The following KCTD1 variants were observed in gnomAD, a reference collection of about 807,000 sequenced individuals.
The protein encoded by KCTD1 is potassium channel tetramerization domain containing 1.
A neutral mutation model predicts 66.0 loss-of-function variants in KCTD1; 24 were observed. The ratio of observed to expected loss-of-function variants is 0.36; its 90% confidence interval spans 0.26 to 0.51. KCTD1 has a LOEUF of 0.51. Among genes scored for constraint, KCTD1 ranks in the 20% least tolerant of loss-of-function variants. The pLI is 0.95. For missense variants in KCTD1, 943 were observed against 1,205.2 expected (o/e 0.78, Z 3.22); for synonymous variants, 511 against 517.2 (o/e 0.99, Z 0.16).
intron 1 of KCTD1, among the ~76,000 whole-genome samples, chr18:26,512,063 T>C (rs184336261): frequency 2.6e-5 from 4 of 152,348 alleles, no homozygotes; most frequent in Admixed American, 2.6e-4. Context: ...GAAAGCTAAA[T>C]GTGCTCCTTT....
chr18:26,644,501 T>C (rs1255103634), upstream of KCTD1, among the ~76,000 whole-genome samples: 4 of 151,798 alleles, frequency 2.6e-5, no homozygotes, highest in African/African-American at 9.7e-5. Context: ...GGCTCACACC[T>C]TCATCCTGGC....
intron 1 of KCTD1, among the ~76,000 whole-genome samples, chr18:26,565,025 T>C (rs1985950160): frequency 1.3e-5 from 2 of 152,208 alleles, no homozygotes; most frequent in African/African-American, 4.8e-5. Context: ...AATGATAATG[T>C]TAGTCAAGTC....
intron 1 of KCTD1, among the ~76,000 whole-genome samples, chr18:26,636,672 G>A (rs1987730778): frequency 6.6e-6 from 1 of 152,178 alleles, no homozygotes; most frequent in Non-Finnish European, 1.5e-5. Context: ...ATGCCCTCAG[G>A]ACTTCACACT....
intron 1 of KCTD1, among the ~76,000 whole-genome samples, chr18:26,556,903 A>C (rs1438719743): frequency 1.3e-5 from 2 of 152,176 alleles, no homozygotes; most frequent in Non-Finnish European, 2.9e-5. Flanking sequence ...CTGTGAATTC[A>C]ATCACATGCC....
Position 26,507,725 on chromosome 18 carries a change from G to A in KCTD1, c.1810-6475C>T, listed in dbSNP as rs78376406. On this transcript the variant is annotated intron_variant, in intron 1 of 4. Coordinates refer to ENST00000580059, the MANE Select transcript of KCTD1 (RefSeq NM_001142730.3). ...ACTTTTTTTTTTTTAAAAAAAGAATGATGCCCTGTGGATTTGGAAGAGCAC... is the reference window on the plus strand; with the variant it reads ...ACTTTTTTTTTTTTAAAAAAAGAATAATGCCCTGTGGATTTGGAAGAGCAC... 2.9e-3 allele frequency among the ~76,000 whole-genome samples: 436 copies of A among 151,182 alleles called. 1 individual carries two copies. Among genetic ancestry groups the A allele is most frequent in the African/African-American group, 0.01 (419 of 41,114 alleles).
At chr18:26,593,124 C>T (rs1986648111) in intron 1 of KCTD1, among the ~76,000 whole-genome samples, 1 of 152,206 alleles carries the variant, frequency 6.6e-6, no homozygotes. Flanking sequence ...TCTGATGTTC[C>T]ACCACATGGC....
chr18:26,484,505 G>A (rs1027678164), intron 2 of KCTD1, among the ~76,000 whole-genome samples: 1 of 152,096 alleles, frequency 6.6e-6, no homozygotes, highest in Non-Finnish European at 1.5e-5. Flanking sequence ...GCCACTCGGG[G>A]GTAGCTGATT....
intron 1 of KCTD1, among the ~76,000 whole-genome samples, chr18:26,649,325 C>T (rs111302276): frequency 5.1e-4 from 78 of 152,286 alleles, no homozygotes; most frequent in East Asian, 1.4e-3. Flanking sequence ...AAGCAGGCCT[C>T]TTATGGTCCA....
chr18:26,486,062 C>T (rs569567999), intron 2 of KCTD1, among the ~76,000 whole-genome samples: 168 of 151,620 alleles, frequency 1.1e-3, no homozygotes, highest in African/African-American at 3.9e-3. Flanking sequence ...TACAGGCGTG[C>T]GCCACTAGGC....
chr18:26,600,203 G>A (rs1313680971), intron 1 of KCTD1: 16 of 1,600,166 alleles, frequency 1.0e-5, no homozygotes, highest in Admixed American at 6.7e-5. Flanking sequence ...GAACAGATGA[G>A]CTCCCAGCCC....
chr18:26,552,989 T>G (rs1409805675), upstream of KCTD1, among the ~76,000 whole-genome samples: 1 of 126,602 alleles, frequency 7.9e-6, no homozygotes, highest in Non-Finnish European at 1.6e-5. Flanking sequence ...TTTTCTTTCT[T>G]TTTTTTTTTT....
intron 1 of KCTD1, among the ~76,000 whole-genome samples, chr18:26,647,341 C>CCG (rs1555649515): frequency 7.3e-5 from 8 of 109,832 alleles, no homozygotes; most frequent in Non-Finnish European, 1.6e-4. Context: ...ACCCCCCCCC[C>CCG]ATCTCTACTA....
At chr18:26,637,434 G>A (rs777093114) in intron 1 of KCTD1, among the ~76,000 whole-genome samples, 2 of 152,232 alleles carry the variant, frequency 1.3e-5, no homozygotes, top group Non-Finnish European at 2.9e-5. Context: ...TGTGAGCTGC[G>A]AGGAGGAGGC....
At chr18:26,646,731 A>AC (rs938573230) in intron 1 of KCTD1, among the ~76,000 whole-genome samples, 6 of 152,168 alleles carry the variant, frequency 3.9e-5, no homozygotes, top group African/African-American at 1.4e-4. Flanking sequence ...AAGAAAGAAG[A>AC]CCCCTTGAAC....
At chr18:26,544,706 T>A (rs999379200) in intron 1 of KCTD1, 2 of 152,202 alleles carry the variant, frequency 1.3e-5, no homozygotes, top group Non-Finnish European at 2.9e-5. Flanking sequence ...TTACAGTGAT[T>A]TTAATATACA....
chr18:26,569,635 T>G (rs965557806), intron 1 of KCTD1, among the ~76,000 whole-genome samples: 5 of 152,102 alleles, frequency 3.3e-5, no homozygotes, highest in African/African-American at 9.7e-5. Context: ...ACAACTAAAC[T>G]GTTACATTAA....
intron 2 of KCTD1, among the ~76,000 whole-genome samples, chr18:26,491,651 A>G (rs1982206742): frequency 6.6e-6 from 1 of 152,208 alleles, no homozygotes. Flanking sequence ...TAGGGTAGCA[A>G]GAGTTTTGTT....
intron 1 of KCTD1, chr18:26,566,804 C>G (rs1051034406): frequency 2.1e-4 from 30 of 141,060 alleles, no homozygotes; most frequent in Admixed American, 8.3e-4. Flanking sequence ...ACAACAGTCC[C>G]CAAGCTCTAC....
At chr18:26,652,507 T>C (rs1988055472) in intron 1 of KCTD1, among the ~76,000 whole-genome samples, 2 of 151,494 alleles carry the variant, frequency 1.3e-5, no homozygotes, top group African/African-American at 4.9e-5. Context: ...CTGACATGTT[T>C]ATAATATTTT....
Sources: allele counts gnomAD v4.1 joint callset (sites outside exome capture counted in the v4.1 genomes callset), GRCh38; gene constraint gnomAD v4.1.1; transcripts MANE v1.5; gene names NCBI Gene and HGNC (gene_info 2026-07-23, HGNC 2026-07-21).